CDKAL1: variants seen among roughly 807,000 people sequenced by gnomAD.
CDKAL1 encodes the protein threonylcarbamoyladenosine tRNA methylthiotransferase.
A neutral mutation model predicts 68.2 loss-of-function variants in CDKAL1; 32 were observed. The ratio of observed to expected loss-of-function variants is 0.47; its 90% CI spans 0.35 to 0.63. The LOEUF is 0.63. Among genes scored for constraint, CDKAL1 ranks in the 30% least tolerant of loss-of-function variants. The pLI is 0.00. For synonymous variants in CDKAL1, 234 were observed against 244.3 expected (o/e 0.96, Z 0.39); for missense variants, 606 against 696.7 (o/e 0.87, Z 1.47).
intron 9 of CDKAL1, among the ~76,000 whole-genome samples, chr6:20,873,930 T>A (rs1760352546): frequency 6.6e-6 from 1 of 152,138 alleles, no homozygotes; most frequent in Non-Finnish European, 1.5e-5. Context: ...AGCTAACATT[T>A]GGAGGTTAAG....
rs565215200 is a variant in CDKAL1, at chr6:20,648,277, C to T, written c.287-1016C>T. Reference sequence around the variant, plus strand: ...TGAATAGCTGAGAGTACAGGCATGCCCGCCACCACACCCGGCTAATTTTTG... The same window carrying T: ...TGAATAGCTGAGAGTACAGGCATGCTCGCCACCACACCCGGCTAATTTTTG... On this transcript the variant is annotated intron_variant, in intron 4 of 15. Coordinates refer to ENST00000274695, the MANE Select transcript of CDKAL1 (RefSeq NM_017774.3). Among the ~76,000 whole-genome samples the T allele has an allele frequency of 2.0e-3, 307 of 151,458 alleles. 2 individuals carry two copies. Among genetic ancestry groups the T allele is most frequent in the African/African-American group, 7.1e-3 (295 of 41,334 alleles).
intron 9 of CDKAL1, among the ~76,000 whole-genome samples, chr6:20,915,231 C>G (rs1762669214): frequency 6.6e-6 from 1 of 151,802 alleles, no homozygotes; most frequent in Non-Finnish European, 1.5e-5. Flanking sequence ...CTGCCTATTT[C>G]CCAGTCTTAG....
chr6:20,729,001 T>C (rs557645284), intron 5 of CDKAL1, among the ~76,000 whole-genome samples: 8 of 152,330 alleles, frequency 5.3e-5, no homozygotes, highest in African/African-American at 1.9e-4. Flanking sequence ...GCATTTGTGA[T>C]TAAACAGGAA....
At chr6:20,853,388 A>AC (rs1263878238) in intron 9 of CDKAL1, among the ~76,000 whole-genome samples, 14 of 27,454 alleles carry the variant, frequency 5.1e-4, no homozygotes, top group East Asian at 2.6e-3. Context: ...TCAAAAAACA[A>AC]AACAAAAAAA....
Position 20,557,060 on chromosome 6 carries a change from AAT to A in CDKAL1, c.286+8357_286+8358del, listed in dbSNP as rs1283689103. Among the ~76,000 whole-genome samples, 323 of 137,136 alleles carry A rather than the reference AAT, an allele frequency of 2.4e-3. 11 individuals carry two copies. Among genetic ancestry groups the A allele is most frequent in the Non-Finnish European group, 3.4e-3 (205 of 59,734 alleles). 90.0% of individuals were successfully genotyped at this position (137,136 alleles called of 152,430 possible). A position where few individuals can be genotyped will look rare whatever the true frequency, so the allele number is the denominator to read the frequency against. On this transcript the variant is annotated intron_variant, in intron 4 of 15. Coordinates refer to ENST00000274695, the MANE Select transcript of CDKAL1 (RefSeq NM_017774.3). ...CCATCTCAAAAAAAAAAAATAAATA[AAT>A]AAATAAATAAATAAATAAATAAATG... is the stretch of plus-strand genomic sequence containing the variant.
intron 9 of CDKAL1, among the ~76,000 whole-genome samples, chr6:20,857,407 G>T (rs545719344): frequency 2.8e-4 from 43 of 152,290 alleles, no homozygotes; most frequent in African/African-American, 9.9e-4. Flanking sequence ...AGATCTTTCT[G>T]ATTTGTTGAC....
intron 8 of CDKAL1, among the ~76,000 whole-genome samples, chr6:20,835,377 G>T (rs1270460669): frequency 6.6e-6 from 1 of 152,048 alleles, no homozygotes; most frequent in East Asian, 1.9e-4. Flanking sequence ...CCCACAAAAG[G>T]AGCCTTTTGA....
At chr6:21,059,624 A>G (rs922778968) in intron 11 of CDKAL1, among the ~76,000 whole-genome samples, 12 of 151,474 alleles carry the variant, frequency 7.9e-5, no homozygotes, top group African/African-American at 2.7e-4. Context: ...GGTTGCGCCA[A>G]CCACCTAGTC....
intron 8 of CDKAL1, among the ~76,000 whole-genome samples, chr6:20,825,968 A>G (rs1221641658): frequency 6.6e-6 from 1 of 152,064 alleles, no homozygotes; most frequent in Non-Finnish European, 1.5e-5. Context: ...TATTTGGGAG[A>G]TTAGCTACTT....
At chr6:20,891,536 A>C (rs1469837817) in intron 9 of CDKAL1, among the ~76,000 whole-genome samples, 1 of 127,506 alleles carries the variant, frequency 7.8e-6, no homozygotes, top group Non-Finnish European at 1.7e-5. Context: ...TTTTTTCTGT[A>C]TTTTTTTTTT....
At chr6:20,641,127 C>G (rs897305831) in intron 4 of CDKAL1, among the ~76,000 whole-genome samples, 3 of 152,062 alleles carry the variant, frequency 2.0e-5, no homozygotes, top group African/African-American at 4.8e-5. Flanking sequence ...AAGCTTTTAG[C>G]AGGCAAGGGA....
Position 20,758,582 on chromosome 6 carries a change from T to G in CDKAL1, c.469-13T>G, listed in dbSNP as rs1774333489. The G allele has an allele frequency of 6.3e-7, 1 of 1,597,192 alleles. No individual in the cohort carries two copies. The highest frequency in any genetic ancestry group is 1.4e-5 in the African/African-American group (1 of 73,630). ...TGTAAATTACTTGTGTAATCGTTTTTTTTTTTTTCCAGGTTCAGCAGATAG... is the reference window on the plus strand; with the variant it reads ...TGTAAATTACTTGTGTAATCGTTTTGTTTTTTTTCCAGGTTCAGCAGATAG... On this transcript the variant is annotated splice_polypyrimidine_tract_variant and intron_variant, in intron 6 of 15. Transcript: ENST00000274695.
At chr6:20,903,820 G>C (rs1174212870) in intron 9 of CDKAL1, among the ~76,000 whole-genome samples, 4 of 152,170 alleles carry the variant, frequency 2.6e-5, no homozygotes, top group Non-Finnish European at 5.9e-5. Context: ...AGGATTCTGG[G>C]AAGATGGCAG....
chr6:21,126,466 T>A (rs1337983263), intron 13 of CDKAL1, among the ~76,000 whole-genome samples: 1 of 152,216 alleles, frequency 6.6e-6, no homozygotes, highest in Non-Finnish European at 1.5e-5. Flanking sequence ...TTATTATCGT[T>A]ACCCATTCCC....
At chr6:20,585,270 T>C (rs191604770) in intron 4 of CDKAL1, among the ~76,000 whole-genome samples, 1,607 of 152,182 alleles carry the variant, frequency 0.011, 18 homozygotes, top group Non-Finnish European at 0.012. Flanking sequence ...GCCAGGATGG[T>C]CTCGATCTCC....
At chr6:20,790,321 T>C (rs1232100288) in intron 8 of CDKAL1, among the ~76,000 whole-genome samples, 1 of 151,866 alleles carries the variant, frequency 6.6e-6, no homozygotes, top group Non-Finnish European at 1.5e-5. Flanking sequence ...ATCTTATAGG[T>C]GGATTTAAAG....
intron 13 of CDKAL1, among the ~76,000 whole-genome samples, chr6:21,190,328 A>G (rs1380862591): frequency 6.6e-6 from 1 of 152,116 alleles, no homozygotes; most frequent in East Asian, 1.9e-4. Flanking sequence ...TAGAACCATG[A>G]TGTAAATGAT....
intron 11 of CDKAL1, among the ~76,000 whole-genome samples, chr6:21,050,691 A>G (rs1045326250): frequency 1.3e-5 from 2 of 152,208 alleles, no homozygotes; most frequent in Non-Finnish European, 2.9e-5. Context: ...AAGGGTAGGT[A>G]TATGTAGAAT....
intron 9 of CDKAL1, among the ~76,000 whole-genome samples, chr6:20,888,591 A>G (rs1413529094): frequency 7.6e-6 from 1 of 131,870 alleles, no homozygotes. Flanking sequence ...TCATTGTTCA[A>G]TTCCCGCCTA....
Sources: allele counts gnomAD v4.1 joint callset (sites outside exome capture counted in the v4.1 genomes callset), GRCh38; gene constraint gnomAD v4.1.1; transcripts MANE v1.5; gene names NCBI Gene and HGNC (gene_info 2026-07-23, HGNC 2026-07-21).